LMF1: variants seen among roughly 807,000 people sequenced by gnomAD.
LMF1 encodes lipase maturation factor 1, also known as transmembrane protein 112.
LMF1 carries 68 observed loss-of-function variants against 60.6 expected under a neutral mutation model. The observed-to-expected ratio is 1.12, with a 90% CI of 0.92 to 1.37. LMF1 has a LOEUF of 1.37. LMF1 is among the 40% of genes most tolerant of loss of function. The pLI is 0.00. For synonymous variants in LMF1, 418 were observed against 324.7 expected, an observed-to-expected ratio of 1.29 and a Z score of -3.09; for missense variants, 948 against 767.2, an observed-to-expected ratio of 1.24 and a Z score of -2.78.
intron 3 of LMF1, among the ~76,000 whole-genome samples, chr16:921,652 C>G (rs186219364): frequency 6.6e-6 from 1 of 152,060 alleles, no homozygotes; most frequent in Non-Finnish European, 1.5e-5. Flanking sequence ...GAGGGAAAGA[C>G]GCAGTGTGCG....
chr16:882,769 C>T (rs1305044884), intron 5 of LMF1, among the ~76,000 whole-genome samples: 5 of 150,006 alleles, frequency 3.3e-5, no homozygotes, highest in Non-Finnish European at 5.9e-5. Flanking sequence ...AGGAGCTGCC[C>T]AGCGGGGCCC....
chr16:906,538 T>C (rs551483964), intron 4 of LMF1, among the ~76,000 whole-genome samples: 1 of 152,272 alleles, frequency 6.6e-6, no homozygotes, highest in Non-Finnish European at 1.5e-5. Context: ...GTTCTGAGAC[T>C]CGGGACCGGC....
At chr16:968,452 T>C (rs922452396) in intron 1 of LMF1, 1 of 152,240 alleles carries the variant, frequency 6.6e-6, no homozygotes, top group African/African-American at 2.4e-5. Context: ...GTGAAATATT[T>C]GGAGAGCCCC....
chr16:928,154 G>A (rs964356648), intron 3 of LMF1, among the ~76,000 whole-genome samples: 3 of 152,194 alleles, frequency 2.0e-5, no homozygotes, highest in East Asian at 1.9e-4. Flanking sequence ...ACACAGGAGC[G>A]CCCGTTGCTG....
intron 5 of LMF1, among the ~76,000 whole-genome samples, chr16:888,374 T>C (rs1197547654): frequency 6.6e-6 from 1 of 152,198 alleles, no homozygotes; most frequent in Non-Finnish European, 1.5e-5. Context: ...TAAAAAGCAA[T>C]GGAGAATTGT....
At chr16:857,541 TGTGAGTGGTGTCA>T (rs2151678176) in intron 10 of LMF1, among the ~76,000 whole-genome samples, 1 of 102,914 alleles carries the variant, frequency 9.7e-6, no homozygotes, top group African/African-American at 5.3e-5. Context: ...ACGGGACGGG[TGTGAGTGGTGTCA>T]CGGGACGGGT....
At chr16:855,568 C>T (rs1251265744) in intron 10 of LMF1, 2 of 375,738 alleles carry the variant, frequency 5.3e-6, no homozygotes, top group Non-Finnish European at 5.3e-6. Flanking sequence ...GAGGAATTGT[C>T]ACCGTCACAA....
chr16:854,540 G>A lies in LMF1; in HGVS notation c.1696C>T (p.Pro566Ser). Residue 566 changes from proline to serine, a missense_variant, in exon 11 of 11, where the codon CCC becomes TCC. Coordinates refer to ENST00000262301, the MANE Select transcript of LMF1 (RefSeq NM_022773.4). ...TTATTTCTGGTGCACGTCTAGAGGGGCCCGGGCAGAGGCCACCCACGGTCC... is the reference window on the plus strand; with the variant it reads ...TTATTTCTGGTGCACGTCTAGAGGGACCCGGGCAGAGGCCACCCACGGTCC... The part of the protein sequence containing the change: ...FRDRGWPLPG[P>S]L The A allele has an allele frequency of 1.2e-6, 2 of 1,607,334 alleles. No homozygotes were observed. The highest frequency in any genetic ancestry group is 1.7e-4 in the Middle Eastern group (1 of 6,054).
chr16:920,621 G>C (rs1035226746), intron 3 of LMF1, among the ~76,000 whole-genome samples: 9 of 152,242 alleles, frequency 5.9e-5, no homozygotes, highest in Non-Finnish European at 4.4e-5. Flanking sequence ...AAGGCAGGGA[G>C]AGGCCTGATG....
At chr16:882,223 G>C (rs2070181474) in intron 5 of LMF1, among the ~76,000 whole-genome samples, 1 of 152,256 alleles carries the variant, frequency 6.6e-6, no homozygotes, top group Admixed American at 6.5e-5. Flanking sequence ...GGGCTGACAT[G>C]ACCCAATGCT....
intron 5 of LMF1, among the ~76,000 whole-genome samples, chr16:880,469 T>A (rs920169066): frequency 1.1e-4 from 16 of 152,202 alleles, no homozygotes; most frequent in Non-Finnish European, 2.2e-4. Flanking sequence ...CCCAGGAGTT[T>A]GAAGCCAGCC....
Position 906,352 on chromosome 16 carries a change from G to A in LMF1, c.663+4579C>T, listed in dbSNP as rs985313566. ...CAGAGGAGATTCCTGTTTGGGTCAG[G>A]GGGCTGGGGAAGGCGGACCCAAGCT... On this transcript the variant is annotated intron_variant, in intron 4 of 10. Coordinates refer to ENST00000262301, the MANE Select transcript of LMF1 (RefSeq NM_022773.4). Among the ~76,000 whole-genome samples, 6 of 152,164 alleles carry A rather than the reference G, an allele frequency of 3.9e-5. No homozygotes were observed. The South Asian group carries it at 1.2e-3, about 32-fold the overall frequency.
chr16:894,315 C>T (rs531868775), intron 4 of LMF1, among the ~76,000 whole-genome samples: 3 of 151,038 alleles, frequency 2.0e-5, no homozygotes, highest in Admixed American at 1.3e-4. Flanking sequence ...TCCACCGGAT[C>T]GTCCACCCAC....
chr16:939,270 C>A (rs771317859), intron 2 of LMF1, among the ~76,000 whole-genome samples: 1 of 152,216 alleles, frequency 6.6e-6, no homozygotes, highest in Non-Finnish European at 1.5e-5. Flanking sequence ...GCCGTGAGCA[C>A]GAACCCTGGG....
upstream of LMF1, among the ~76,000 whole-genome samples, chr16:973,872 T>C (rs1278857326): frequency 6.6e-6 from 1 of 151,864 alleles, no homozygotes; most frequent in East Asian, 1.9e-4. Flanking sequence ...TAGCCGGGCA[T>C]GGTGGCGGGC....
chr16:937,472 G>A lies in LMF1; in HGVS notation c.504-3218C>T, dbSNP rs138782794. Reference sequence around the variant, plus strand: ...GTGAGCCTCCACACCTGACTGACAGGCCGCTGGGGTCTCTGTTGACTGACA... The same window carrying A: ...GTGAGCCTCCACACCTGACTGACAGACCGCTGGGGTCTCTGTTGACTGACA... On this transcript the variant is annotated intron_variant, in intron 2 of 10. Transcript: ENST00000262301. Among the ~76,000 whole-genome samples, 728 of 152,214 alleles carry A rather than the reference G, an allele frequency of 4.8e-3. 11 individuals are homozygous for A. Among genetic ancestry groups the A allele is most frequent in the African/African-American group, 0.016 (681 of 41,550 alleles).
chr16:970,754 A>G, intron 1 of LMF1, 34 bp downstream of exon 1: 2 of 1,497,306 alleles, frequency 1.3e-6, no homozygotes, highest in South Asian at 1.2e-5. Flanking sequence ...CGGAGGTGAC[A>G]CTGGCGGATG....
intron 3 of LMF1, among the ~76,000 whole-genome samples, chr16:911,456 A>T (rs2071110042): frequency 6.6e-6 from 1 of 151,368 alleles, no homozygotes; most frequent in African/African-American, 2.4e-5. Flanking sequence ...CCCCTCCCAT[A>T]GGTTTGCATG....
chr16:908,963 G>A (rs1237848251), intron 4 of LMF1, among the ~76,000 whole-genome samples: 1 of 152,174 alleles, frequency 6.6e-6, no homozygotes, highest in Non-Finnish European at 1.5e-5. Context: ...ACAACCCTCT[G>A]GACACCTTGT....
Sources: allele counts gnomAD v4.1 joint callset (sites outside exome capture counted in the v4.1 genomes callset), GRCh38; gene constraint gnomAD v4.1.1; transcripts MANE v1.5; gene names NCBI Gene and HGNC (gene_info 2026-07-23, HGNC 2026-07-21).